B3GNT2: variants seen among roughly 807,000 people sequenced by gnomAD.
B3GNT2 encodes the protein UDP-GlcNAc:betaGal beta-1,3-N-acetylglucosaminyltransferase 2, also known as N-acetyllactosaminide beta-1,3-N-acetylglucosaminyltransferase 2.
In B3GNT2, 12 loss-of-function variants were observed where a neutral mutation model predicts 27.6. The observed-to-expected ratio is 0.44, with a 90% CI of 0.28 to 0.71. The LOEUF is 0.71. Ranked by LOEUF, B3GNT2 falls within the 30% of genes least tolerant of loss-of-function variation. The pLI, the probability that B3GNT2 is intolerant of heterozygous loss-of-function variation, is 0.17. For missense variants in B3GNT2, 413 were observed against 488.5 expected (o/e 0.85, Z 1.46); for synonymous variants, 192 against 189.7 (o/e 1.01, Z -0.10).
chr2:62,205,929 A>T (rs1475864457), intron 1 of B3GNT2: 1 of 154,182 alleles, frequency 6.5e-6, no homozygotes, highest in Non-Finnish European at 1.5e-5. Flanking sequence ...CTTTTGGGGG[A>T]TCCTGAGTGC....
chr2:62,208,940 G>A (rs1335440527), intron 1 of B3GNT2, among the ~76,000 whole-genome samples: 4 of 152,110 alleles, frequency 2.6e-5, no homozygotes, highest in East Asian at 1.9e-4. Context: ...AATACAAGCA[G>A]CCCAACCTGG....
chr2:62,203,344 G>A, intron 1 of B3GNT2, among the ~76,000 whole-genome samples: 1 of 152,132 alleles, frequency 6.6e-6, no homozygotes, highest in East Asian at 1.9e-4. Context: ...AGGTATATTG[G>A]GGCATTTTTT....
chr2:62,206,051 C>G (rs1447975652), intron 1 of B3GNT2: 2 of 154,170 alleles, frequency 1.3e-5, no homozygotes, highest in African/African-American at 4.8e-5. Flanking sequence ...TGGAGAGAAG[C>G]AAGATAAGGG....
intron 1 of B3GNT2, among the ~76,000 whole-genome samples, chr2:62,209,068 G>A (rs1674432603): frequency 6.6e-6 from 1 of 152,124 alleles, no homozygotes; most frequent in Non-Finnish European, 1.5e-5. Flanking sequence ...TCAGCTCACT[G>A]CAGCCTCTGC....
rs1674732237 is a variant in B3GNT2, at chr2:62,222,488, A to G, written c.268A>G (p.Ile90Val). The G allele has an allele frequency of 6.2e-6, 10 of 1,614,028 alleles. No individual in the cohort carries two copies. Among genetic ancestry groups the G allele is most frequent in the African/African-American group, 2.7e-5 (2 of 74,906 alleles). ...GGGGGAGGCGGGCAGGCTCTCCAATATAAGCCATCTGAACTACTGCGAACC... is the reference window on the plus strand; with the variant it reads ...GGGGGAGGCGGGCAGGCTCTCCAATGTAAGCCATCTGAACTACTGCGAACC... ...QTGEAGRLSN[I>V]SHLNYCEPDL... Residue 90 changes from isoleucine to valine, a missense_variant, in exon 2 of 2, where the codon ATA becomes GTA. Ile to Val is a conservative substitution (Grantham distance 29). Transcript: ENST00000301998. The surrounding 1 kb of genome is among the most constrained non-coding windows in gnomAD (Gnocchi z 4.2).
intron 1 of B3GNT2, among the ~76,000 whole-genome samples, chr2:62,201,359 T>C (rs1474659263): frequency 1.3e-5 from 2 of 152,246 alleles, no homozygotes; most frequent in Admixed American, 6.5e-5. Flanking sequence ...AACTGGTTTA[T>C]GGTCAATTAT....
chr2:62,197,794 C>T (rs1674183129), intron 1 of B3GNT2, among the ~76,000 whole-genome samples: 1 of 152,254 alleles, frequency 6.6e-6, no homozygotes, highest in Admixed American at 6.5e-5. Flanking sequence ...CTTATAGTCG[C>T]ACCCATGCGG....
At chr2:62,198,834 C>T (rs1674206574) in intron 1 of B3GNT2, among the ~76,000 whole-genome samples, 2 of 151,946 alleles carry the variant, frequency 1.3e-5, no homozygotes, top group Admixed American at 1.3e-4. Flanking sequence ...AGTGAGGCAT[C>T]GTTGGTATGT....
In B3GNT2 at chr2:62,222,463, G is replaced by T; in HGVS notation, c.243G>T (p.Thr81=). The part of the protein sequence containing the change: ...NPILSMLTNQ[T]GEAGRLSNIS... ...TCCTGAGCATGCTGACCAACCAGAC[G>T]GGGGAGGCGGGCAGGCTCTCCAATA... is the stretch of plus-strand genomic sequence containing the variant. The change falls in exon 2 of 2, where the codon ACG becomes ACT. Residue 81 remains threonine, a synonymous_variant. Coordinates refer to ENST00000301998, the MANE Select transcript of B3GNT2 (RefSeq NM_006577.6). The surrounding 1 kb of genome is among the most constrained non-coding windows in gnomAD (Gnocchi z 4.2). 1.9e-6 allele frequency: 3 copies of T among 1,614,080 alleles called. No homozygotes were observed. Among genetic ancestry groups the T allele is most frequent in the Non-Finnish European group, 2.5e-6 (3 of 1,180,028 alleles).
At chr2:62,219,417 A>C (rs1259645552) in intron 1 of B3GNT2, among the ~76,000 whole-genome samples, 2 of 152,174 alleles carry the variant, frequency 1.3e-5, no homozygotes. Flanking sequence ...AGTAGCTTGG[A>C]CTACAGGAGT....
At chr2:62,204,482 C>T (rs1558631859) in intron 1 of B3GNT2, among the ~76,000 whole-genome samples, 1 of 152,232 alleles carries the variant, frequency 6.6e-6, no homozygotes, top group African/African-American at 2.4e-5. Flanking sequence ...ATGATATTTT[C>T]AGATTCAAAT....
chr2:62,215,160 G>A (rs1396464825), intron 1 of B3GNT2, among the ~76,000 whole-genome samples: 1 of 152,170 alleles, frequency 6.6e-6, no homozygotes, highest in Admixed American at 6.5e-5. Flanking sequence ...TGTTGCCTGT[G>A]GGACTGTGTA....
At chr2:62,212,871 A>G (rs1446122866) in intron 1 of B3GNT2, among the ~76,000 whole-genome samples, 1 of 152,146 alleles carries the variant, frequency 6.6e-6, no homozygotes, top group African/African-American at 2.4e-5. Flanking sequence ...ACCCAGACTG[A>G]AAAACATTCT....
intron 1 of B3GNT2, among the ~76,000 whole-genome samples, chr2:62,213,452 A>T (rs539628431): frequency 1.3e-5 from 2 of 152,268 alleles, no homozygotes; most frequent in East Asian, 3.9e-4. Context: ...GGAGGTAGAG[A>T]TGCCCCATTT....
chr2:62,218,270 C>T (rs1674614478), intron 1 of B3GNT2, among the ~76,000 whole-genome samples: 1 of 152,220 alleles, frequency 6.6e-6, no homozygotes. Context: ...GCCGAGTTCT[C>T]ATGCAAGACA....
At chr2:62,213,158 A>G (rs116353127) in intron 1 of B3GNT2, among the ~76,000 whole-genome samples, 1 of 152,290 alleles carries the variant, frequency 6.6e-6, no homozygotes, top group South Asian at 2.1e-4. Flanking sequence ...AAAAAAATTT[A>G]AAAAATTAGT....
chr2:62,203,595 G>A (rs552390326), intron 1 of B3GNT2, among the ~76,000 whole-genome samples: 18 of 152,266 alleles, frequency 1.2e-4, no homozygotes, highest in East Asian at 3.9e-4. Flanking sequence ...CAAGGACTGC[G>A]AAGATTCTAG....
At position 62,209,715 on chromosome 2, in the gene B3GNT2, G is replaced by C. The variant is rs191130815; in HGVS notation, c.-9-12497G>C. On this transcript the variant is annotated intron_variant, in intron 1 of 1. Coordinates refer to ENST00000301998, the MANE Select transcript of B3GNT2 (RefSeq NM_006577.6). ...TTTGATCCCTTTCCTTCACAGGAGA[G>C]CTGGGGTCTGGACCAGCCCTGTGCC... 3.9e-5 allele frequency among the ~76,000 whole-genome samples: 6 copies of C among 152,244 alleles called. No individual in the cohort carries two copies. In the East Asian group the frequency reaches 1.2e-3, roughly 29 times the overall value.
chr2:62,223,408 A>G lies in B3GNT2; in HGVS notation c.1188A>G (p.Lys396=), dbSNP rs1296643534. ...IWSQLQSAHL[K]C The stretch of plus-strand genomic sequence containing the variant: ...CTCAGTTGCAGAGTGCTCATTTAAA[A>G]TGCTAAAATAGATACAAACTCAATT... The change falls in exon 2 of 2, where the codon AAA becomes AAG. Residue 396 remains lysine (K), a synonymous_variant. Coordinates refer to ENST00000301998, the MANE Select transcript of B3GNT2 (RefSeq NM_006577.6). 1 of 1,600,250 alleles carries G rather than the reference A, an allele frequency of 6.2e-7. No homozygotes were observed. Among genetic ancestry groups the G allele is most frequent in the Non-Finnish European group, 8.5e-7 (1 of 1,172,146 alleles).
Sources: gnomAD v4.1 joint callset for allele counts (sites outside exome capture counted in the v4.1 genomes callset) on GRCh38, gnomAD v4.1.1 for gene constraint, Gnocchi (gnomAD v3.1) non-coding constraint, MANE v1.5 for transcripts, NCBI Gene and HGNC (gene_info 2026-07-23, HGNC 2026-07-21) for gene names.